The following NR5A2 variants were observed in gnomAD, a reference collection of about 807,000 sequenced individuals.
NR5A2 encodes nuclear receptor subfamily 5 group A member 2.
Under a neutral mutation model 62.7 loss-of-function variants are expected in NR5A2, and 26 were observed. The ratio of observed to expected loss-of-function variants is 0.41; its 90% CI spans 0.30 to 0.58. The LOEUF is 0.58. NR5A2 is among the 20% of genes least tolerant of loss of function. The pLI is 0.22. For synonymous variants in NR5A2, 246 were observed against 241.7 expected (o/e 1.02, Z -0.16); for missense variants, 541 against 669.1 (o/e 0.81, Z 2.11).
intron 5 of NR5A2, among the ~76,000 whole-genome samples, chr1:200,106,064 C>CTGTTTTT (rs72295630): frequency 2.7e-5 from 4 of 147,640 alleles, no homozygotes; most frequent in South Asian, 4.2e-4. Flanking sequence ...ATTCACTCTT[C>CTGTTTTT]TTTTTTTTTT....
At chr1:200,165,560 G>A (rs1207340793) in intron 7 of NR5A2, among the ~76,000 whole-genome samples, 1 of 152,126 alleles carries the variant, frequency 6.6e-6, no homozygotes, top group African/African-American at 2.4e-5. Context: ...TGTCTCCATA[G>A]TTTTGTCTTT....
chr1:200,103,735 GAGA>G (rs1275220885), intron 5 of NR5A2, among the ~76,000 whole-genome samples: 4 of 152,206 alleles, frequency 2.6e-5, no homozygotes, highest in African/African-American at 7.2e-5. Context: ...TAGGCTAGAG[GAGA>G]AGGAGGCATA....
intron 7 of NR5A2, among the ~76,000 whole-genome samples, chr1:200,126,416 T>G (rs2102319318): frequency 6.6e-6 from 1 of 152,302 alleles, no homozygotes; most frequent in African/African-American, 2.4e-5. Context: ...ATGAACACAG[T>G]GTATGTTTTA....
At chr1:200,080,088 G>A (rs577646484) in intron 5 of NR5A2, among the ~76,000 whole-genome samples, 7 of 152,260 alleles carry the variant, frequency 4.6e-5, no homozygotes, top group South Asian at 4.1e-4. Context: ...AAAAGTTTGA[G>A]GTGATTTGGA....
intron 5 of NR5A2, among the ~76,000 whole-genome samples, chr1:200,086,906 A>G (rs1028482146): frequency 9.9e-5 from 15 of 152,040 alleles, no homozygotes; most frequent in African/African-American, 3.4e-4. Context: ...GGGAATGGTG[A>G]CACATGCCTG....
At chr1:200,118,581 T>C (rs1666348263) in intron 6 of NR5A2, among the ~76,000 whole-genome samples, 1 of 152,226 alleles carries the variant, frequency 6.6e-6, no homozygotes. Context: ...TTACCTAGTC[T>C]CTGGCTTTTG....
chr1:200,152,866 G>A (rs1016721773), intron 7 of NR5A2, among the ~76,000 whole-genome samples: 2 of 152,186 alleles, frequency 1.3e-5, no homozygotes, highest in Non-Finnish European at 2.9e-5. Flanking sequence ...TGCAAGGACT[G>A]TGAAAAGATT....
chr1:200,171,053 T>C (rs1003300005), intron 7 of NR5A2, among the ~76,000 whole-genome samples: 3 of 152,046 alleles, frequency 2.0e-5, no homozygotes, highest in Non-Finnish European at 4.4e-5. Context: ...ACGGTCTGCA[T>C]AGGGAAACAG....
chr1:200,147,751 CG>C lies in NR5A2; in HGVS notation c.1379-26210del. 5.6e-6 allele frequency: 3 copies of C among 535,872 alleles called. No individual in the cohort carries two copies. Among genetic ancestry groups the C allele is most frequent in the East Asian group, 3.9e-5 (1 of 25,326 alleles). The allele number at this position is 535,872 out of a possible 1,614,324, so 33.2% of individuals were successfully genotyped here. ...CTCTCCCACGTCCACGGTGAAGACG[CG>C]GATGCCGGCGCGAATGCCGGCACGG... On this transcript the variant is annotated intron_variant, in intron 7 of 7. Coordinates refer to ENST00000367362, the MANE Select transcript of NR5A2 (RefSeq NM_205860.3). This position sits in a 1 kb window ranked among gnomAD's most constrained non-coding sequence, Gnocchi z 4.9.
chr1:200,106,796 T>G (rs1168302324), intron 5 of NR5A2, among the ~76,000 whole-genome samples: 1 of 152,236 alleles, frequency 6.6e-6, no homozygotes, highest in Non-Finnish European at 1.5e-5. Flanking sequence ...TTGTCAACAT[T>G]GCTCAATTGT....
Position 200,080,503 on chromosome 1 carries a change from CTTATT to C in NR5A2, c.1111-30694_1111-30690del, listed in dbSNP as rs541963095. Among the ~76,000 whole-genome samples, 564 of 152,238 alleles carry C rather than the reference CTTATT, an allele frequency of 3.7e-3. 6 individuals are homozygous for C. The highest frequency in any genetic ancestry group is 0.012 in the African/African-American group (518 of 41,538). On this transcript the variant is annotated intron_variant, in intron 5 of 7. Transcript: ENST00000367362. ...TACTAGCTTTGTCAGAGAGAGAATG[CTTATT>C]TTATGGCAAGCATTAAGGAAAAATG...
chr1:200,043,892 G>T lies in NR5A2; in HGVS notation c.321G>T (p.Lys107Asn). 1 of 1,590,238 alleles carries T rather than the reference G, an allele frequency of 6.3e-7. No homozygotes were observed. The highest frequency in any genetic ancestry group is 8.6e-7 in the Non-Finnish European group (1 of 1,159,910). The change falls in exon 3 of 8, where the codon AAG becomes AAT. Residue 107 changes from lysine (K) to asparagine (N), a missense_variant and splice_region_variant. Physicochemically the swap from Lys to Asn is moderately conservative, Grantham distance 94. Coordinates refer to ENST00000367362, the MANE Select transcript of NR5A2 (RefSeq NM_205860.3). Reference protein sequence around the residue: ...HYGLLTCESCKGFFKRTVQNN... With the variant: ...HYGLLTCESCNGFFKRTVQNN... ...GGCTCCTCACCTGTGAAAGCTGCAA[G>T]GTTTGCTCACACATTGCTACCTGAA...
Position 200,174,334 on chromosome 1 carries a change from C to A in NR5A2, c.*124C>A. The A allele has an allele frequency of 5.0e-6, 5 of 1,002,660 alleles. No homozygotes were observed. The highest frequency in any genetic ancestry group is 3.1e-5 in the South Asian group (1 of 31,774). 62.1% of individuals were successfully genotyped at this position (1,002,660 alleles called of 1,614,324 possible). A position where few individuals can be genotyped will look rare whatever the true frequency, so the allele number is the denominator to read the frequency against. On this transcript the variant is annotated 3_prime_UTR_variant, in exon 8 of 8. Coordinates refer to ENST00000367362, the MANE Select transcript of NR5A2 (RefSeq NM_205860.3). ...CCAAGTAACGCTAATTAAAAACTTGCTTTAAAGATATTGAATTTAAAAAGG... is the reference window on the plus strand; with the variant it reads ...CCAAGTAACGCTAATTAAAAACTTGATTTAAAGATATTGAATTTAAAAAGG...
intron 5 of NR5A2, among the ~76,000 whole-genome samples, chr1:200,054,752 A>G (rs1662829445): frequency 6.6e-6 from 1 of 152,144 alleles, no homozygotes; most frequent in African/African-American, 2.4e-5. Context: ...TATGGAAGCT[A>G]TCTGAGCAGC....
intron 7 of NR5A2, among the ~76,000 whole-genome samples, chr1:200,135,188 C>T (rs1280239884): frequency 6.6e-6 from 1 of 152,162 alleles, no homozygotes. Flanking sequence ...GCTGTCGTCA[C>T]TCACAGGCAA....
intron 5 of NR5A2, among the ~76,000 whole-genome samples, chr1:200,091,742 C>T (rs531276543): frequency 6.6e-5 from 10 of 152,238 alleles, no homozygotes; most frequent in East Asian, 1.9e-4. Flanking sequence ...CTCAGCCTCC[C>T]GAAGTGCTGG....
chr1:200,028,580 T>C (rs764526167), intron 1 of NR5A2, among the ~76,000 whole-genome samples: 7 of 152,226 alleles, frequency 4.6e-5, no homozygotes, highest in Admixed American at 3.9e-4. Context: ...TACAAACTTA[T>C]GAATTTTATA....
intron 7 of NR5A2, among the ~76,000 whole-genome samples, chr1:200,148,994 C>A (rs1667861492): frequency 6.7e-6 from 1 of 149,634 alleles, no homozygotes; most frequent in Non-Finnish European, 1.5e-5. Context: ...CTTAAAACAA[C>A]CAACAACTCT....
At chr1:200,083,199 G>T (rs1380669551) in intron 5 of NR5A2, among the ~76,000 whole-genome samples, 3 of 151,932 alleles carry the variant, frequency 2.0e-5, no homozygotes, top group African/African-American at 7.3e-5. Context: ...ATTTTTCTGG[G>T]TTTACCTACA....
Sources: allele counts gnomAD v4.1 joint callset (sites outside exome capture counted in the v4.1 genomes callset), GRCh38; gene constraint gnomAD v4.1.1; non-coding constraint Gnocchi (gnomAD v3.1); transcripts MANE v1.5; gene names NCBI Gene and HGNC (gene_info 2026-07-23, HGNC 2026-07-21).